Variants in ENPP2 observed in about 807,000 individuals in gnomAD.
ENPP2 encodes ectonucleotide pyrophosphatase/phosphodiesterase 2, also known as autotaxin.
ENPP2 carries 51 observed loss-of-function variants against 120.2 expected under a neutral mutation model. The observed-to-expected ratio is 0.42, with a 90% CI of 0.34 to 0.54. ENPP2 has a LOEUF of 0.54. Ranked by LOEUF, ENPP2 falls within the 20% of genes least tolerant of loss-of-function variation. The pLI is 0.04. For synonymous variants in ENPP2, 365 were observed against 366.4 expected, an observed-to-expected ratio of 1.00 and a Z score of 0.04; for missense variants, 920 against 1,066.5, an observed-to-expected ratio of 0.86 and a Z score of 1.91.
At chr8:119,620,655 A>G (rs1304286330) in intron 4 of ENPP2, among the ~76,000 whole-genome samples, 1 of 152,224 alleles carries the variant, frequency 6.6e-6, no homozygotes, top group Non-Finnish European at 1.5e-5. Flanking sequence ...GTTGCACGGC[A>G]ACTTAAACCC....
intron 5 of ENPP2, chr8:119,618,191 A>G (rs964345270): frequency 8.3e-5 from 33 of 399,750 alleles, no homozygotes; most frequent in African/African-American, 6.7e-4. Context: ...ATGAGCTATC[A>G]AGGCTGCCCT....
chr8:119,665,333 A>C (rs545861673), intron 1 of ENPP2, among the ~76,000 whole-genome samples: 2 of 152,270 alleles, frequency 1.3e-5, no homozygotes, highest in Non-Finnish European at 2.9e-5. Flanking sequence ...CCACTCTACA[A>C]TGGACACCTT....
chr8:119,606,775 G>A (rs1272411188), intron 9 of ENPP2, among the ~76,000 whole-genome samples: 1 of 151,522 alleles, frequency 6.6e-6, no homozygotes, highest in Non-Finnish European at 1.5e-5. Flanking sequence ...GCCTGCAGTA[G>A]CTCTCAGCAC....
chr8:119,639,401 T>C (rs1469688479), upstream of ENPP2, among the ~76,000 whole-genome samples: 4 of 152,360 alleles, frequency 2.6e-5, no homozygotes, highest in East Asian at 7.7e-4. Context: ...AAGTTTCTCA[T>C]GATGAAATTT....
chr8:119,630,266 G>A (rs1015920411), intron 2 of ENPP2, among the ~76,000 whole-genome samples: 12 of 151,888 alleles, frequency 7.9e-5, no homozygotes, highest in African/African-American at 2.2e-4. Context: ...CCACCACCAT[G>A]TCCAGCAATT....
At chr8:119,620,229 G>T (rs1198334045) in intron 4 of ENPP2, among the ~76,000 whole-genome samples, 1 of 152,140 alleles carries the variant, frequency 6.6e-6, no homozygotes, top group Non-Finnish European at 1.5e-5. Context: ...ATGATTCAAT[G>T]ATCAATGATT....
At chr8:119,622,117 C>T (rs866831434) in intron 3 of ENPP2, among the ~76,000 whole-genome samples, 14 of 152,142 alleles carry the variant, frequency 9.2e-5, no homozygotes, top group Middle Eastern at 6.8e-3. Flanking sequence ...TTAGTAGAGA[C>T]GGGGTTTCAC....
chr8:119,569,442 G>C, intron 20 of ENPP2, 72 bp from the exon 21 acceptor site: 2 of 1,456,146 alleles, frequency 1.4e-6, no homozygotes, highest in South Asian at 2.4e-5. Flanking sequence ...AACCCCTCTG[G>C]CTTCTCCTAT....
intron 22 of ENPP2, among the ~76,000 whole-genome samples, chr8:119,566,738 A>T (rs866751205): frequency 6.6e-6 from 1 of 152,220 alleles, no homozygotes; most frequent in Non-Finnish European, 1.5e-5. Context: ...AAAAAAACAC[A>T]TCAATAAAGA....
rs1402411272 is a variant in ENPP2 at position 119,595,562 on chromosome 8, G to A, written c.973-1702C>T. Among the ~76,000 whole-genome samples, 3 of 152,096 alleles carry A rather than the reference G, an allele frequency of 2.0e-5. No individual in the cohort carries two copies. In the East Asian group the frequency reaches 5.8e-4, roughly 29 times the overall value. ...ACCATGTGACTGATTCTGTGAATAA[G>A]TGCACTCTTAATAGTCACTCCAGCC... On this transcript the variant is annotated intron_variant, in intron 11 of 24. Coordinates refer to ENST00000075322, the MANE Select transcript of ENPP2 (RefSeq NM_001040092.3).
intron 8 of ENPP2, among the ~76,000 whole-genome samples, chr8:119,613,319 A>G (rs1014290757): frequency 3.9e-5 from 6 of 152,236 alleles, no homozygotes; most frequent in African/African-American, 1.2e-4. Flanking sequence ...ATTAAATTAT[A>G]AAAGACTAAA....
In ENPP2 at chr8:119,629,855, A is replaced by G. The variant is rs2130794915; in HGVS notation, c.137-3135T>C. Reference sequence around the variant, plus strand: ...TCCTACAGTAAAAATAAATATAAGGAAAGTACTTACAATTGAATATTCCTT... The same window carrying G: ...TCCTACAGTAAAAATAAATATAAGGGAAGTACTTACAATTGAATATTCCTT... On this transcript the variant is annotated intron_variant, in intron 2 of 24. Coordinates refer to ENST00000075322, the MANE Select transcript of ENPP2 (RefSeq NM_001040092.3). Among the ~76,000 whole-genome samples the G allele has an allele frequency of 1.3e-5, 2 of 152,276 alleles. 1 individual carries two copies. Among genetic ancestry groups the G allele is most frequent in the South Asian group, 4.2e-4 (2 of 4,816 alleles).
At chr8:119,637,006 T>G (rs1445793260) in intron 2 of ENPP2, among the ~76,000 whole-genome samples, 1 of 152,196 alleles carries the variant, frequency 6.6e-6, no homozygotes, top group Non-Finnish European at 1.5e-5. Flanking sequence ...CAGCATTTAA[T>G]TCTTTCAATC....
intron 9 of ENPP2, among the ~76,000 whole-genome samples, chr8:119,605,670 G>A (rs1318791134): frequency 6.7e-6 from 1 of 149,234 alleles, no homozygotes; most frequent in African/African-American, 2.5e-5. Flanking sequence ...GGTTCTCCAT[G>A]TTGAATAGGC....
intron 1 of ENPP2, among the ~76,000 whole-genome samples, chr8:119,660,105 T>G (rs1817878628): frequency 6.6e-6 from 1 of 152,222 alleles, no homozygotes; most frequent in South Asian, 2.1e-4. Context: ...GAGGGGCCAC[T>G]GTGCTGTAGA....
intron 21 of ENPP2, 64 bp from the exon 22 acceptor site, chr8:119,568,316 A>AG (rs200158900): frequency 4.0e-5 from 36 of 894,158 alleles, no homozygotes; most frequent in South Asian, 2.6e-4. Flanking sequence ...TAAAAAAAAA[A>AG]GGGAGAGGGG....
chr8:119,595,935 C>T (rs1813863917), intron 11 of ENPP2: 4 of 1,613,822 alleles, frequency 2.5e-6, no homozygotes, highest in South Asian at 1.1e-5. Context: ...TCTTTCCTGT[C>T]TCCTCTTAGG....
chr8:119,670,729 C>T (rs1818217887), intron 1 of ENPP2, among the ~76,000 whole-genome samples: 1 of 151,996 alleles, frequency 6.6e-6, no homozygotes, highest in Non-Finnish European at 1.5e-5. Flanking sequence ...CACAGATGTA[C>T]AGAAAGAAAG....
intron 19 of ENPP2, chr8:119,572,874 G>A (rs1181517300): frequency 6.6e-6 from 1 of 152,378 alleles, no homozygotes; most frequent in East Asian, 1.9e-4. Context: ...AGTGTGATGG[G>A]AATGCAGAGG....
Sources: allele counts gnomAD v4.1 joint callset (sites outside exome capture counted in the v4.1 genomes callset), GRCh38; gene constraint gnomAD v4.1.1; transcripts MANE v1.5; gene names NCBI Gene and HGNC (gene_info 2026-07-23, HGNC 2026-07-21).